The following OR51B5 variants were observed in gnomAD, a reference collection of about 807,000 sequenced individuals.
OR51B5 encodes olfactory receptor 51B5.
For missense variants in OR51B5, 456 were observed against 374.6 expected (o/e 1.22, Z -1.79); for synonymous variants, 186 against 144.8 (o/e 1.28, Z -2.04).
At chr11:5,406,794 T>G (rs928052987) in intron 1 of OR51B5, among the ~76,000 whole-genome samples, 5 of 152,150 alleles carry the variant, frequency 3.3e-5, no homozygotes, top group African/African-American at 1.2e-4. Flanking sequence ...GAAGTGAGCC[T>G]GATATTTATT....
chr11:5,403,319 C>T (rs1232398559), intron 1 of OR51B5: 2 of 471,658 alleles, frequency 4.2e-6, no homozygotes, highest in East Asian at 6.9e-5. Context: ...AGGCACTCAA[C>T]ACATGTGGCT....
chr11:5,487,546 A>G (rs1416513887), intron 1 of OR51B5, among the ~76,000 whole-genome samples: 1 of 152,196 alleles, frequency 6.6e-6, no homozygotes, highest in African/African-American at 2.4e-5. Context: ...ACAAATCAAT[A>G]ATGTTACAGA....
intron 1 of OR51B5, among the ~76,000 whole-genome samples, chr11:5,490,417 G>C (rs1385823656): frequency 6.6e-6 from 1 of 152,024 alleles, no homozygotes; most frequent in Non-Finnish European, 1.5e-5. Flanking sequence ...GATATGACTG[G>C]TACTTAATAC....
intron 1 of OR51B5, chr11:5,402,604 T>C (rs752800919): frequency 1.7e-5 from 8 of 469,176 alleles, no homozygotes; most frequent in Non-Finnish European, 3.1e-5. Flanking sequence ...AACATGAAAA[T>C]TTCTAATAAC....
At chr11:5,358,753 T>C (rs1445137509) in intron 1 of OR51B5, among the ~76,000 whole-genome samples, 1 of 152,158 alleles carries the variant, frequency 6.6e-6, no homozygotes, top group South Asian at 2.1e-4. Context: ...AATAAAATAC[T>C]GGCAAAGCAA....
Position 5,351,637 on chromosome 11 carries a change from C to T in OR51B5, n.85-4727G>A, listed in dbSNP as rs867168159. On this transcript the variant is annotated intron_variant and non_coding_transcript_variant, in intron 1 of 4. Transcript: ENST00000415970. The stretch of plus-strand genomic sequence containing the variant: ...CATACTTCTTGGCAATGGCACTCTT[C>T]TCTTTCTCATCAGGAATGATCATAA... 1 of 1,614,108 alleles carries T rather than the reference C, an allele frequency of 6.2e-7. No homozygotes were observed. Among genetic ancestry groups the T allele is most frequent in the Middle Eastern group, 1.7e-4 (1 of 6,060 alleles).
intron 1 of OR51B5, among the ~76,000 whole-genome samples, chr11:5,451,045 A>C (rs1015849293): frequency 6.6e-6 from 1 of 152,238 alleles, no homozygotes; most frequent in African/African-American, 2.4e-5. Context: ...CTCAGTGTCC[A>C]TATCTGTTAA....
At chr11:5,399,618 T>C (rs1435779016) in intron 1 of OR51B5, among the ~76,000 whole-genome samples, 6 of 152,178 alleles carry the variant, frequency 3.9e-5, no homozygotes, top group Non-Finnish European at 8.8e-5. Flanking sequence ...ATAGACTACA[T>C]GATCCCTTTT....
rs1419850705 is a variant in OR51B5 at position 5,416,500 on chromosome 11, G to A, written n.85-69590C>T. On this transcript the variant is annotated intron_variant and non_coding_transcript_variant, in intron 1 of 4. Coordinates refer to the OR51B5 transcript ENST00000415970. ...GGAAGTCAAATTGTCCCTGTTTGCA[G>A]ATGACATGATTGTATATCTAGAAAA... is the stretch of plus-strand genomic sequence containing the variant. Among the ~76,000 whole-genome samples, 10 of 151,674 alleles carry A rather than the reference G, an allele frequency of 6.6e-5. No individual in the cohort carries two copies. The South Asian group carries it at 2.1e-3, about 31-fold the overall frequency.
intron 1 of OR51B5, among the ~76,000 whole-genome samples, chr11:5,412,622 G>A (rs897969278): frequency 3.9e-5 from 6 of 152,184 alleles, no homozygotes; most frequent in Non-Finnish European, 8.8e-5. Flanking sequence ...TTAAAAAACT[G>A]CCCACCAGGA....
At chr11:5,346,121 T>C (rs1848986626), upstream of OR51B5, 1 of 152,112 alleles carries the variant, frequency 6.6e-6, no homozygotes, top group Non-Finnish European at 1.5e-5. Flanking sequence ...TTCCTTCTTA[T>C]CAGAGAATAT....
chr11:5,440,900 G>T (rs1850674913), intron 1 of OR51B5: 4 of 1,613,788 alleles, frequency 2.5e-6, no homozygotes, highest in East Asian at 4.5e-5. Flanking sequence ...AGGTAAAAAT[G>T]ATCACCAAGA....
chr11:5,386,779 A>G (rs1468495899), intron 1 of OR51B5, among the ~76,000 whole-genome samples: 1 of 152,164 alleles, frequency 6.6e-6, no homozygotes, highest in African/African-American at 2.4e-5. Flanking sequence ...TTACAGGGAT[A>G]GATTAAAAGA....
chr11:5,449,637 T>TTCAAAGG (rs1264886188), intron 1 of OR51B5, among the ~76,000 whole-genome samples: 26 of 152,270 alleles, frequency 1.7e-4, no homozygotes, highest in African/African-American at 6.3e-4. Flanking sequence ...GACTCCAAGT[T>TTCAAAGG]TCAAAGGTCA....
At chr11:5,414,907 G>C (rs1850215128) in intron 1 of OR51B5, among the ~76,000 whole-genome samples, 1 of 152,160 alleles carries the variant, frequency 6.6e-6, no homozygotes, top group Non-Finnish European at 1.5e-5. Context: ...ACTGAACTCA[G>C]CTCTGCACCA....
At chr11:5,353,200 T>C (rs776029264) in intron 1 of OR51B5, among the ~76,000 whole-genome samples, 1 of 152,156 alleles carries the variant, frequency 6.6e-6, no homozygotes, top group Non-Finnish European at 1.5e-5. Flanking sequence ...ATGATGAGTC[T>C]AGGGAAAGTA....
intron 1 of OR51B5, among the ~76,000 whole-genome samples, chr11:5,400,547 C>G (rs1849953243): frequency 6.6e-6 from 1 of 152,096 alleles, no homozygotes; most frequent in Admixed American, 6.5e-5. Context: ...CCAAGGAAAG[C>G]TTTTCCTGAC....
At chr11:5,435,311 T>C (rs1850577925) in intron 1 of OR51B5, among the ~76,000 whole-genome samples, 2 of 152,350 alleles carry the variant, frequency 1.3e-5, no homozygotes, top group East Asian at 1.9e-4. Context: ...CTCTACATTA[T>C]AGATAATGTT....
chr11:5,347,201 CCTACATTTA>C (rs1357142108), upstream of OR51B5, among the ~76,000 whole-genome samples: 2 of 152,112 alleles, frequency 1.3e-5, no homozygotes, highest in Non-Finnish European at 2.9e-5. Context: ...TAATTTATTC[CCTACATTTA>C]CTTCAACAGT....
Sources: allele counts gnomAD v4.1 joint callset (sites outside exome capture counted in the v4.1 genomes callset), GRCh38; gene constraint gnomAD v4.1.1; transcripts MANE v1.5; gene names NCBI Gene and HGNC (gene_info 2026-07-23, HGNC 2026-07-21).